TMEM131: variants seen among roughly 807,000 people sequenced by gnomAD.
TMEM131 encodes the protein 2610524E03Rik.
A neutral mutation model predicts 211.6 loss-of-function variants in TMEM131; 66 were observed. The observed-to-expected ratio is 0.31, with a 90% CI of 0.26 to 0.38. The LOEUF (loss-of-function observed/expected upper bound fraction) is 0.38, where lower values mean the gene tolerates loss of function less well. TMEM131 is among the 10% of genes least tolerant of loss of function. TMEM131 has a pLI of 1.00. For missense variants in TMEM131, 2,036 were observed against 2,299.3 expected (o/e 0.89, Z 2.34); for synonymous variants, 844 against 841.3 (o/e 1.00, Z -0.06).
Position 97,805,091 on chromosome 2 carries a change from T to G in TMEM131, c.2399A>C (p.His800Pro). 1 of 1,607,892 alleles carries G rather than the reference T, an allele frequency of 6.2e-7. No homozygotes were observed. Among genetic ancestry groups the G allele is most frequent in the Non-Finnish European group, 8.5e-7 (1 of 1,176,674 alleles). ...GWTGIKENSG[H>P]RLSAIFEVNT... is the part of the protein sequence containing the mutation. ...TAAATAAACATAAACCACTCACCTA[T>G]GACCTGAATTTTCCTTTATTCCTGT... The change falls in exon 22 of 41, where the codon CAT (histidine) becomes CCT (proline). Residue 800 changes from histidine (H) to proline (P), a missense_variant. His to Pro is a moderately conservative substitution (Grantham distance 77). This residue lies in a region of TMEM131 where 1,623 missense variants were observed against 1,805.9 expected (regional missense o/e 0.90). Transcript: ENST00000186436.
chr2:97,962,161 G>GT (rs1449408551), intron 1 of TMEM131, among the ~76,000 whole-genome samples: 2 of 152,084 alleles, frequency 1.3e-5, no homozygotes, highest in African/African-American at 2.4e-5. Flanking sequence ...TTGAAAAACT[G>GT]TACTTCATTA....
intron 1 of TMEM131, among the ~76,000 whole-genome samples, chr2:97,993,514 T>C (rs1389057662): frequency 6.6e-6 from 1 of 152,230 alleles, no homozygotes; most frequent in Non-Finnish European, 1.5e-5. Context: ...GAATATTTGA[T>C]TAGAACCAGA....
At chr2:97,825,391 C>T (rs1479430333) in intron 11 of TMEM131, among the ~76,000 whole-genome samples, 1 of 152,170 alleles carries the variant, frequency 6.6e-6, no homozygotes, top group East Asian at 1.9e-4. Context: ...GGACCAGTGC[C>T]CTCAGCAAGG....
At chr2:97,969,982 A>ACATTC (rs896915622) in intron 1 of TMEM131, among the ~76,000 whole-genome samples, 2 of 152,178 alleles carry the variant, frequency 1.3e-5, no homozygotes, top group Admixed American at 6.5e-5. Context: ...GACCCTGGCA[A>ACATTC]CATTCCATTC....
chr2:97,954,667 G>A (rs113497557), intron 1 of TMEM131, among the ~76,000 whole-genome samples: 3,808 of 152,030 alleles, frequency 0.025, 162 homozygotes, highest in African/African-American at 0.085. Flanking sequence ...TTAGCTGGGC[G>A]TGGTGGCGTG....
chr2:97,789,212 C>G (rs4274643), intron 31 of TMEM131, among the ~76,000 whole-genome samples: 115,873 of 152,108 alleles, frequency 0.76, 45,807 homozygotes, highest in African/African-American at 0.88. Flanking sequence ...TGCCTGCTGG[C>G]ATGTGCTAAC....
At chr2:97,941,919 A>C (rs1452501964) in intron 1 of TMEM131, among the ~76,000 whole-genome samples, 1 of 152,172 alleles carries the variant, frequency 6.6e-6, no homozygotes, top group Non-Finnish European at 1.5e-5. Flanking sequence ...CAGTGGGGCG[A>C]TTCCTCAAGG....
chr2:97,922,679 T>C (rs1352066852), intron 2 of TMEM131, among the ~76,000 whole-genome samples: 1 of 152,146 alleles, frequency 6.6e-6, no homozygotes, highest in Admixed American at 6.5e-5. Context: ...TTTAGAGATA[T>C]ACACTCAGAT....
At chr2:97,981,751 G>C (rs1298678872) in intron 1 of TMEM131, among the ~76,000 whole-genome samples, 1 of 152,012 alleles carries the variant, frequency 6.6e-6, no homozygotes, top group African/African-American at 2.4e-5. Context: ...TATCTATTTT[G>C]TCTCTGTGGA....
intron 33 of TMEM131, among the ~76,000 whole-genome samples, chr2:97,771,562 C>T (rs1559348704): frequency 1.3e-5 from 2 of 152,190 alleles, no homozygotes; most frequent in Non-Finnish European, 2.9e-5. Flanking sequence ...AACCCACAAG[C>T]GGGTAGACAG....
At chr2:97,919,086 C>A (rs144509282) in intron 2 of TMEM131, among the ~76,000 whole-genome samples, 183 of 152,240 alleles carry the variant, frequency 1.2e-3, no homozygotes, top group African/African-American at 4.2e-3. Flanking sequence ...CCAAAAGAAA[C>A]GTTCCAAAAC....
intron 1 of TMEM131, among the ~76,000 whole-genome samples, chr2:97,933,179 C>T (rs913013769): frequency 6.6e-6 from 1 of 152,150 alleles, no homozygotes; most frequent in Non-Finnish European, 1.5e-5. Flanking sequence ...ATGTTTTCCA[C>T]GTTGAGTGAT....
chr2:97,793,220 C>T (rs1374333528), intron 30 of TMEM131, 175 bp downstream of exon 30: 2 of 682,538 alleles, frequency 2.9e-6, no homozygotes, highest in Admixed American at 6.5e-5. Context: ...AATAAAAACA[C>T]AGTATCCAGC....
At chr2:97,865,757 C>T (rs1341772997) in intron 4 of TMEM131, among the ~76,000 whole-genome samples, 1 of 152,190 alleles carries the variant, frequency 6.6e-6, no homozygotes, top group Non-Finnish European at 1.5e-5. Flanking sequence ...ACAGACTAAG[C>T]TGGGAATTGT....
At chr2:97,976,171 T>A (rs373951677) in intron 1 of TMEM131, among the ~76,000 whole-genome samples, 3 of 152,264 alleles carry the variant, frequency 2.0e-5, no homozygotes, top group African/African-American at 7.2e-5. Context: ...TTTTACTACT[T>A]CTATTCAACA....
chr2:97,888,668 A>G (rs1675258611), intron 3 of TMEM131, among the ~76,000 whole-genome samples: 3 of 152,212 alleles, frequency 2.0e-5, no homozygotes, highest in Admixed American at 2.0e-4. Flanking sequence ...GCATCTTCTA[A>G]CTAACCCACC....
intron 3 of TMEM131, among the ~76,000 whole-genome samples, chr2:97,890,572 T>A (rs2104275351): frequency 6.6e-6 from 1 of 152,328 alleles, no homozygotes; most frequent in African/African-American, 2.4e-5. Context: ...GATGGAGATG[T>A]CATAAAGTAA....
intron 1 of TMEM131, among the ~76,000 whole-genome samples, chr2:97,951,908 C>T (rs1678335562): frequency 6.6e-6 from 1 of 152,112 alleles, no homozygotes; most frequent in Admixed American, 6.5e-5. Context: ...CCTGTAATCC[C>T]AGCATTATGG....
chr2:97,959,533 T>C (rs997667450), intron 1 of TMEM131, among the ~76,000 whole-genome samples: 1 of 150,820 alleles, frequency 6.6e-6, no homozygotes, highest in Admixed American at 6.6e-5. Flanking sequence ...CTCATATATA[T>C]GAGAAAAAAA....
Sources: gnomAD v4.1 joint callset for allele counts (sites outside exome capture counted in the v4.1 genomes callset) on GRCh38, gnomAD v4.1.1 for gene constraint, gnomAD v4.1.1 regional missense constraint, MANE v1.5 for transcripts, NCBI Gene and HGNC (gene_info 2026-07-23, HGNC 2026-07-21) for gene names.